ATP13A1: variants seen among roughly 807,000 people sequenced by gnomAD.
ATP13A1 encodes the protein endoplasmic reticulum transmembrane helix translocase.
Under a neutral mutation model 134.8 loss-of-function variants are expected in ATP13A1, and 55 were observed. That is an observed-to-expected ratio of 0.41 (90% CI 0.33 to 0.51). The LOEUF (loss-of-function observed/expected upper bound fraction) is 0.51. ATP13A1 is among the 20% of genes least tolerant of loss of function. The pLI is 0.29. For synonymous variants in ATP13A1, 775 were observed against 725.1 expected, an observed-to-expected ratio of 1.07 and a Z score of -1.10; for missense variants, 1,389 against 1,652.8, an observed-to-expected ratio of 0.84 and a Z score of 2.77.
At chr19:19,654,885 C>T (rs2062047376) in intron 12 of ATP13A1, among the ~76,000 whole-genome samples, 185 bp from the exon 13 acceptor site, 4 of 152,210 alleles carry the variant, frequency 2.6e-5, no homozygotes, top group Admixed American at 2.6e-4. Context: ...AGGCATTGTG[C>T]CTGGGGGTCA....
chr19:19,647,352 G>A lies in ATP13A1; in HGVS notation c.2909-27C>T. 2 of 1,610,116 alleles carry A rather than the reference G, an allele frequency of 1.2e-6. No individual in the cohort carries two copies. The highest frequency in any genetic ancestry group is 2.2e-5 in the East Asian group (1 of 44,834). On this transcript the variant is annotated intron_variant, in intron 21 of 25. Coordinates refer to ENST00000357324, the MANE Select transcript of ATP13A1 (RefSeq NM_020410.3). This position sits in a 1 kb window ranked among gnomAD's most constrained non-coding sequence, Gnocchi z 4.8. ...TGCAGGGTGGTGGGGAGGCAGGTGT[G>A]GGTGTGGGTAGGGGTGCCAAGGGGG...
In ATP13A1 at chr19:19,654,118, T is replaced by C. The variant is rs1013090866; in HGVS notation, c.1840A>G (p.Lys614Glu). Reference protein sequence around the residue: ...KDEKVFPRSIKTQGLKIHQRF... With the variant: ...KDEKVFPRSIETQGLKIHQRF... ...TGGTGAATTTTCAGCCCCTGAGTTT[T>C]AATACTTCGGGGGAATACTTTCTCA... is the stretch of plus-strand genomic sequence containing the variant. Residue 614 changes from lysine to glutamate, a missense_variant, in exon 14 of 26, where the codon AAA becomes GAA. Lys to Glu is a moderately conservative substitution (Grantham distance 56). Around this residue, in one of 4 missense-constraint regions of ATP13A1, gnomAD observed 747 missense variants for 956.1 expected, o/e 0.78. Coordinates refer to ENST00000357324, the MANE Select transcript of ATP13A1 (RefSeq NM_020410.3). 2.5e-6 allele frequency: 4 copies of C among 1,591,082 alleles called. No homozygotes were observed. In the African/African-American group the frequency reaches 5.4e-5, roughly 21 times the overall value.
Position 19,657,063 on chromosome 19 carries a change from C to T in ATP13A1, c.837G>A (p.Ser279=), listed in dbSNP as rs771827569. ...TGTTCCGCATCTGCTGCTGCACCAGCGAGGCCTCGAACGCCACCAGCATGG... is the reference window on the plus strand; with the variant it reads ...TGTTCCGCATCTGCTGCTGCACCAGTGAGGCCTCGAACGCCACCAGCATGG... The part of the protein sequence containing the change: ...TLSMLVAFEA[S]LVQQQMRNMS... Residue 279 remains serine (S), a synonymous_variant, in exon 5 of 26, where the codon TCG becomes TCA. Coordinates refer to ENST00000357324, the MANE Select transcript of ATP13A1 (RefSeq NM_020410.3). 1.3e-5 allele frequency: 20 copies of T among 1,553,970 alleles called. No homozygotes were observed. Among genetic ancestry groups the T allele is most frequent in the Non-Finnish European group, 1.7e-5 (19 of 1,149,730 alleles).
Position 19,653,833 on chromosome 19 carries a change from C to T in ATP13A1, c.2051G>A (p.Arg684His), listed in dbSNP as rs868711508. The T allele has an allele frequency of 6.4e-7, 1 of 1,561,200 alleles. No homozygotes were observed. Among genetic ancestry groups the T allele is most frequent in the East Asian group, 2.4e-5 (1 of 41,732 alleles). ...CTCCTTGTACCCCAGCGCCAGGACG[C>T]GGGCTCCTTCCCGGGAGATCTCGGT... is the stretch of plus-strand genomic sequence containing the variant. ...IHTEISREGA[R>H]VLALGYKELG... Residue 684 changes from arginine to histidine, a missense_variant, in exon 15 of 26, where the codon CGC becomes CAC. This residue lies in a region of ATP13A1 where 747 missense variants were observed against 956.1 expected (regional missense o/e 0.78). Coordinates refer to ENST00000357324, the MANE Select transcript of ATP13A1 (RefSeq NM_020410.3). The surrounding 1 kb of genome is among the most constrained non-coding windows in gnomAD (Gnocchi z 4.2).
rs1046891681 is a variant in ATP13A1, at chr19:19,653,688, A to G, written c.2100+96T>C. ...GCGGGGCAAGGAGGACAAAATCACA[A>G]CCATTCAACCTGGCACTGTGGGACA... On this transcript the variant is annotated intron_variant, in intron 15 of 25. Coordinates refer to ENST00000357324, the MANE Select transcript of ATP13A1 (RefSeq NM_020410.3). The surrounding 1 kb of genome is among the most constrained non-coding windows in gnomAD (Gnocchi z 4.2). 8.6e-7 allele frequency: 1 copy of G among 1,158,414 alleles called. No individual in the cohort carries two copies. The highest frequency in any genetic ancestry group is 1.6e-5 in the African/African-American group (1 of 64,422). 71.8% of individuals were successfully genotyped at this position (1,158,414 alleles called of 1,614,324 possible).
Position 19,663,312 on chromosome 19 carries a change from GCC to G in ATP13A1, c.353_354del (p.Gly118AlafsTer44). 1 of 1,590,754 alleles carries G rather than the reference GCC, an allele frequency of 6.3e-7. No individual in the cohort carries two copies. The highest frequency in any genetic ancestry group is 8.5e-7 in the Non-Finnish European group (1 of 1,169,906). ...GCGCAATGCGCGTGCACAGACCAAT[GCC>G]CCGAGAGGACAGTGAGCGCGTGCGC... ...CLAHALTVLSGHWSVHAHCAL... is the reference protein window; with the variant it reads ...CLAHALTVLSXHWSVHAHCAL... On this transcript the variant is annotated frameshift_variant, in exon 1 of 26. Coordinates refer to ENST00000357324, the MANE Select transcript of ATP13A1 (RefSeq NM_020410.3). LOFTEE classifies it high-confidence loss of function.
At position 19,656,835 on chromosome 19, in the gene ATP13A1, AC is replaced by A. The variant is rs768649784; in HGVS notation, c.976+11del. The A allele has an allele frequency of 6.2e-7, 1 of 1,612,066 alleles. No individual in the cohort carries two copies. The highest frequency in any genetic ancestry group is 8.5e-7 in the Non-Finnish European group (1 of 1,179,246). On this transcript the variant is annotated intron_variant, in intron 6 of 25. Coordinates refer to ENST00000357324, the MANE Select transcript of ATP13A1 (RefSeq NM_020410.3). This position sits in a 1 kb window ranked among gnomAD's most constrained non-coding sequence, Gnocchi z 4.6. Reference sequence around the variant, plus strand: ...GGGGCTCCCACTGGGACTGAGCGGAACCCGGCCTCACCGATGGAGACGATGT... The same window carrying A: ...GGGGCTCCCACTGGGACTGAGCGGAACCGGCCTCACCGATGGAGACGATGT...
At position 19,653,605 on chromosome 19, in the gene ATP13A1, C is replaced by T; in HGVS notation, c.2100+179G>A. The T allele has an allele frequency of 1.6e-6, 1 of 639,076 alleles. No homozygotes were observed. Among genetic ancestry groups the T allele is most frequent in the East Asian group, 2.8e-5 (1 of 36,320 alleles). 39.6% of individuals were successfully genotyped at this position (639,076 alleles called of 1,614,324 possible). ...CTGCGTGAGCCAGGACTGGGTGGGTCCCCACAGCAGTGGACAGACTGAGTG... is the reference window on the plus strand; with the variant it reads ...CTGCGTGAGCCAGGACTGGGTGGGTTCCCACAGCAGTGGACAGACTGAGTG... On this transcript the variant is annotated intron_variant, in intron 15 of 25. Coordinates refer to ENST00000357324, the MANE Select transcript of ATP13A1 (RefSeq NM_020410.3). The surrounding 1 kb of genome is among the most constrained non-coding windows in gnomAD (Gnocchi z 4.2).
Position 19,649,804 on chromosome 19 carries a change from G to A in ATP13A1, c.2472C>T (p.Pro824=). ...GGGGGATGAGGCGGAGCAGCTGCTG[G>A]GGGTCGGTGGCCTGCAGGTGGGCCA... ...DGLAHLQATD[P]QQLLRLIPHV... Residue 824 remains proline (P), a synonymous_variant, in exon 18 of 26, where the codon CCC becomes CCT. Coordinates refer to ENST00000357324, the MANE Select transcript of ATP13A1 (RefSeq NM_020410.3). The A allele has an allele frequency of 6.2e-7, 1 of 1,601,916 alleles. No individual in the cohort carries two copies. Among genetic ancestry groups the A allele is most frequent in the Non-Finnish European group, 8.5e-7 (1 of 1,176,702 alleles).
chr19:19,646,776 C>T (rs1388264447), intron 22 of ATP13A1: 3 of 380,222 alleles, frequency 7.9e-6, no homozygotes, highest in South Asian at 3.7e-5. Flanking sequence ...GCCTGAGTGT[C>T]GGTGTCGCAC....
At position 19,647,399 on chromosome 19, in the gene ATP13A1, G is replaced by A. The variant is rs756796696; in HGVS notation, c.2908+15C>T. On this transcript the variant is annotated intron_variant, in intron 21 of 25. Transcript: ENST00000357324. The surrounding 1 kb of genome is among the most constrained non-coding windows in gnomAD (Gnocchi z 4.8). The stretch of plus-strand genomic sequence containing the variant: ...GGGGGAATGAAGGGAGGGGGAGCGG[G>A]GGCAGGCAACTCACTGCACTGGATG... The A allele has an allele frequency of 8.7e-6, 14 of 1,609,842 alleles. No individual in the cohort carries two copies. Among genetic ancestry groups the A allele is most frequent in the Admixed American group, 5.0e-5 (3 of 59,742 alleles).
intron 3 of ATP13A1, 43 bp from the exon 4 acceptor site, chr19:19,657,451 C>T (rs1389545011): frequency 6.5e-7 from 1 of 1,543,086 alleles, no homozygotes; most frequent in Admixed American, 2.0e-5. Context: ...GGCAAGGCCT[C>T]TGGGGTATGG....
At chr19:19,660,441 A>G (rs1252851521) in intron 1 of ATP13A1, 1 of 165,836 alleles carries the variant, frequency 6.0e-6, no homozygotes, top group African/African-American at 2.4e-5. Context: ...AGATTGCAAC[A>G]CTGCACTCCA....
chr19:19,657,180 C>CTG (rs1286199011), intron 4 of ATP13A1, 31 bp from the exon 5 acceptor site: 2 of 1,493,566 alleles, frequency 1.3e-6, no homozygotes, highest in Non-Finnish European at 8.9e-7. Context: ...TGTCCTTGCC[C>CTG]TACCCGCCCT....
At chr19:19,650,756 T>C (rs1378273351) in intron 17 of ATP13A1, 1 of 152,670 alleles carries the variant, frequency 6.6e-6, no homozygotes, top group African/African-American at 2.4e-5. Context: ...GAAGCTGCTC[T>C]GGCCCAGACC....
At chr19:19,662,266 C>G in intron 1 of ATP13A1, 1 of 1,466,042 alleles carries the variant, frequency 6.8e-7, no homozygotes, top group Non-Finnish European at 9.0e-7. Flanking sequence ...CCACGTTGAG[C>G]TCCTCCCCTG....
intron 23 of ATP13A1, 54 bp from the exon 24 acceptor site, chr19:19,646,039 CTG>C (rs2061983248): frequency 1.3e-6 from 2 of 1,596,842 alleles, no homozygotes; most frequent in Non-Finnish European, 1.7e-6. Context: ...CTCACACACA[CTG>C]TGTGGCTTCC....
Position 19,649,547 on chromosome 19 carries a change from C to G in ATP13A1, c.2632+20G>C, listed in dbSNP as rs893154965. On this transcript the variant is annotated intron_variant, in intron 19 of 25. Coordinates refer to ENST00000357324, the MANE Select transcript of ATP13A1 (RefSeq NM_020410.3). ...CAACACCTCGTCCACAAACGAAATACCCTAGCCCACAGCACTCACCCACGT... is the reference window on the plus strand; with the variant it reads ...CAACACCTCGTCCACAAACGAAATAGCCTAGCCCACAGCACTCACCCACGT... 54 of 1,610,090 alleles carry G rather than the reference C, an allele frequency of 3.4e-5. No individual in the cohort carries two copies. The highest frequency in any genetic ancestry group is 4.6e-5 in the Non-Finnish European group (54 of 1,178,100).
At position 19,645,425 on chromosome 19, in the gene ATP13A1, G is replaced by A. The variant is rs1303927649; in HGVS notation, c.3612C>T (p.Ser1204=). The part of the protein sequence containing the change: ...FLGTPKLKVP[S] ...AGTGGGTACCAGCACTGCCATCTCA[G>A]GAAGGCACTTTCAGCTTCGGGGTCC... The change falls in exon 26 of 26, where the codon TCC becomes TCT. Residue 1204 remains serine, a synonymous_variant. Transcript: ENST00000357324. The surrounding 1 kb of genome is among the most constrained non-coding windows in gnomAD (Gnocchi z 4.1). 5 of 1,598,126 alleles carry A rather than the reference G, an allele frequency of 3.1e-6. No individual in the cohort carries two copies. The highest frequency in any genetic ancestry group is 2.0e-4 in the Middle Eastern group (1 of 4,922).
Sources: gnomAD v4.1 joint callset for allele counts (sites outside exome capture counted in the v4.1 genomes callset) on GRCh38, gnomAD v4.1.1 for gene constraint, gnomAD v4.1.1 regional missense constraint, Gnocchi (gnomAD v3.1) non-coding constraint, MANE v1.5 for transcripts, NCBI Gene and HGNC (gene_info 2026-07-23, HGNC 2026-07-21) for gene names.